UNC13C: variants seen among roughly 807,000 people sequenced by gnomAD.
The protein encoded by UNC13C is protein unc-13 homolog C.
Under a neutral mutation model 245.4 loss-of-function variants are expected in UNC13C, and 174 were observed. The observed-to-expected ratio is 0.71, with a 90% CI of 0.63 to 0.80. The LOEUF is 0.80. Ranked by LOEUF, UNC13C falls within the 30% of genes least tolerant of loss-of-function variation. The pLI is 0.00. For missense variants in UNC13C, 2,829 were observed against 2,602.9 expected, an observed-to-expected ratio of 1.09 and a Z score of -1.89; for synonymous variants, 992 against 895.1, an observed-to-expected ratio of 1.11 and a Z score of -1.93.
intron 13 of UNC13C, among the ~76,000 whole-genome samples, chr15:54,307,575 G>A (rs539273388): frequency 7.8e-4 from 118 of 152,068 alleles, no homozygotes; most frequent in Middle Eastern, 3.4e-3. Flanking sequence ...AGAACAAAGA[G>A]ATTAAATAGT....
chr15:54,432,740 A>C (rs1280771434), intron 19 of UNC13C, among the ~76,000 whole-genome samples: 1 of 152,026 alleles, frequency 6.6e-6, no homozygotes, highest in African/African-American at 2.4e-5. Context: ...ACAAGAAATA[A>C]CTAAGATCAG....
chr15:53,875,689 C>G, the UNC13C span, among the ~76,000 whole-genome samples: 1 of 152,152 alleles, frequency 6.6e-6, no homozygotes, highest in Non-Finnish European at 1.5e-5. Context: ...CCTTTGTTCC[C>G]TCAAAGCTGT....
At chr15:54,183,762 A>C (rs571058036) in intron 4 of UNC13C, among the ~76,000 whole-genome samples, 82 of 152,010 alleles carry the variant, frequency 5.4e-4, no homozygotes, top group African/African-American at 1.9e-3. Flanking sequence ...AGACAGAAAA[A>C]AAAAAAAAAA....
chr15:54,589,571 A>G (rs1898672415), intron 30 of UNC13C, among the ~76,000 whole-genome samples: 1 of 152,096 alleles, frequency 6.6e-6, no homozygotes, highest in African/African-American at 2.4e-5. Flanking sequence ...TGCTGGGATT[A>G]CAGGCATGAG....
the UNC13C span, among the ~76,000 whole-genome samples, chr15:53,963,563 G>A: frequency 6.8e-4 from 104 of 152,254 alleles, no homozygotes; most frequent in Non-Finnish European, 1.1e-3. Flanking sequence ...ATCAGCCACA[G>A]GGTGAAATTC....
chr15:54,333,771 A>C lies in UNC13C; in HGVS notation c.4499A>C (p.Asn1500Thr), dbSNP rs778140647. 6.3e-7 allele frequency: 1 copy of C among 1,599,492 alleles called. No homozygotes were observed. Among genetic ancestry groups the C allele is most frequent in the Non-Finnish European group, 8.5e-7 (1 of 1,171,860 alleles). ...LRIDLSKYRENFPASNTERLQ... is the reference protein window; with the variant it reads ...LRIDLSKYRETFPASNTERLQ... ...TTTTGTTTCCTAATTAACCAGGAAAACTTTCCTGCAAGCAATACTGAAAGA... is the reference window on the plus strand; with the variant it reads ...TTTTGTTTCCTAATTAACCAGGAAACCTTTCCTGCAAGCAATACTGAAAGA... The change falls in exon 16 of 33, where the codon AAC becomes ACC. Residue 1500 changes from asparagine to threonine, a missense_variant. By Grantham distance (65) the Asn-to-Thr change is moderately conservative (BLOSUM62 0). Coordinates refer to ENST00000260323, the MANE Select transcript of UNC13C (RefSeq NM_001080534.3).
the UNC13C span, among the ~76,000 whole-genome samples, chr15:53,925,606 C>G: frequency 6.6e-6 from 1 of 152,170 alleles, no homozygotes; most frequent in East Asian, 1.9e-4. Context: ...CTTAGAAAGA[C>G]AGACTATCTC....
At chr15:54,286,465 G>A (rs1327817947) in intron 10 of UNC13C, among the ~76,000 whole-genome samples, 2 of 152,062 alleles carry the variant, frequency 1.3e-5, no homozygotes, top group African/African-American at 2.4e-5. Context: ...GTTGTATTCC[G>A]AGATGGTTAC....
intron 3 of UNC13C, 30 bp from the exon 4 acceptor site, chr15:54,143,590 G>C: frequency 1.2e-6 from 2 of 1,603,994 alleles, no homozygotes; most frequent in Non-Finnish European, 1.7e-6. Flanking sequence ...AAGCCTGTTT[G>C]TTTTGTTTTT....
At chr15:54,408,536 A>G (rs1334502124) in intron 18 of UNC13C, among the ~76,000 whole-genome samples, 2 of 152,192 alleles carry the variant, frequency 1.3e-5, no homozygotes, top group African/African-American at 4.8e-5. Flanking sequence ...TAAAACTCCG[A>G]TTGATTCTAC....
chr15:54,232,991 G>C (rs1406057134), intron 4 of UNC13C, among the ~76,000 whole-genome samples: 1 of 152,176 alleles, frequency 6.6e-6, no homozygotes, highest in Non-Finnish European at 1.5e-5. Context: ...AGGGAAGCAA[G>C]AAGTTACTGA....
At chr15:54,587,825 C>A (rs745792132) in intron 30 of UNC13C, among the ~76,000 whole-genome samples, 5 of 152,170 alleles carry the variant, frequency 3.3e-5, no homozygotes, top group Non-Finnish European at 7.3e-5. Flanking sequence ...AAAGGTAGAC[C>A]TCTTCATGTA....
chr15:54,071,492 C>T (rs1054854721), intron 2 of UNC13C, among the ~76,000 whole-genome samples: 2 of 152,026 alleles, frequency 1.3e-5, no homozygotes, highest in African/African-American at 4.8e-5. Flanking sequence ...TGTTAACTTT[C>T]AAGCATGCAG....
intron 2 of UNC13C, among the ~76,000 whole-genome samples, chr15:54,054,472 T>A (rs1370579401): frequency 6.6e-6 from 1 of 152,210 alleles, no homozygotes; most frequent in Non-Finnish European, 1.5e-5. Context: ...GTGAATAGAA[T>A]TAAATGTTAT....
chr15:54,152,997 C>G (rs2032588485), intron 4 of UNC13C, among the ~76,000 whole-genome samples: 2 of 152,082 alleles, frequency 1.3e-5, no homozygotes, highest in East Asian at 1.9e-4. Flanking sequence ...TACAGACAGA[C>G]TATATAGTAG....
At chr15:54,135,665 A>G (rs980469257) in intron 2 of UNC13C, among the ~76,000 whole-genome samples, 1 of 152,094 alleles carries the variant, frequency 6.6e-6, no homozygotes, top group South Asian at 2.1e-4. Flanking sequence ...CTATGTGTGT[A>G]TTTTTATGCT....
rs80056163 is a variant in UNC13C at position 54,387,713 on chromosome 15, A to G, written c.4714-5335A>G. Among the ~76,000 whole-genome samples, 662 of 152,324 alleles carry G rather than the reference A, an allele frequency of 4.3e-3. 31 individuals carry two copies. The East Asian group carries it at 0.093, about 21-fold the overall frequency. On this transcript the variant is annotated intron_variant, in intron 17 of 32. Coordinates refer to ENST00000260323, the MANE Select transcript of UNC13C (RefSeq NM_001080534.3). Reference sequence around the variant, plus strand: ...TGTATTCAGAAGAAGTTGCAAACACATCATATGAGAGCTATCTAGTGAATG... The same window carrying G: ...TGTATTCAGAAGAAGTTGCAAACACGTCATATGAGAGCTATCTAGTGAATG...
intron 17 of UNC13C, among the ~76,000 whole-genome samples, chr15:54,391,365 A>G (rs1304575933): frequency 6.6e-6 from 1 of 152,100 alleles, no homozygotes; most frequent in Non-Finnish European, 1.5e-5. Flanking sequence ...TGAGCTTAAT[A>G]TAATGCACAA....
At chr15:54,500,811 T>C (rs750026438) in intron 21 of UNC13C, 24 bp from the exon 22 acceptor site, 4 of 1,610,296 alleles carry the variant, frequency 2.5e-6, no homozygotes, top group Non-Finnish European at 3.4e-6. Flanking sequence ...CTGTTTGGGA[T>C]GGTTTCACCT....
Sources: gnomAD v4.1 joint callset for allele counts (sites outside exome capture counted in the v4.1 genomes callset) on GRCh38, gnomAD v4.1.1 for gene constraint, MANE v1.5 for transcripts, NCBI Gene and HGNC (gene_info 2026-07-23, HGNC 2026-07-21) for gene names.